ANKRD17: variants seen among roughly 807,000 people sequenced by gnomAD.
ANKRD17 encodes ankyrin repeat domain 17.
ANKRD17 carries 19 observed loss-of-function variants against 229.7 expected under a neutral mutation model. The observed-to-expected ratio is 0.08, with a 90% CI of 0.06 to 0.12. The LOEUF is 0.12. Among genes scored for constraint, ANKRD17 ranks in the 10% least tolerant of loss-of-function variants. The pLI, the probability that ANKRD17 is intolerant of heterozygous loss-of-function variation, is 1.00. For missense variants in ANKRD17, 2,176 were observed against 3,176.8 expected, an observed-to-expected ratio of 0.68 and a Z score of 7.57; for synonymous variants, 1,112 against 1,146.1, an observed-to-expected ratio of 0.97 and a Z score of 0.60.
chr4:73,208,906 A>G lies in ANKRD17; in HGVS notation c.394-31373T>C, dbSNP rs111716642. Among the ~76,000 whole-genome samples the G allele has an allele frequency of 1.9e-3, 287 of 152,252 alleles. 1 individual carries two copies. The highest frequency in any genetic ancestry group is 6.6e-3 in the African/African-American group (275 of 41,560). ...AGGGAAAAAATAAGAGCAGAAATCA[A>G]TTAAACAAAAAATGAACAAAATAGG... On this transcript the variant is annotated intron_variant, in intron 1 of 33. Transcript: ENST00000358602.
chr4:73,214,691 A>G (rs1740764620), intron 1 of ANKRD17, among the ~76,000 whole-genome samples: 1 of 151,960 alleles, frequency 6.6e-6, no homozygotes, highest in South Asian at 2.1e-4. Context: ...GAAGCAGTAG[A>G]AAATATCATT....
intron 16 of ANKRD17, among the ~76,000 whole-genome samples, chr4:73,133,702 T>C (rs1304252511): frequency 6.6e-6 from 1 of 151,192 alleles, no homozygotes; most frequent in South Asian, 2.1e-4. Flanking sequence ...CCATCTCGTA[T>C]TTTTTTTTAA....
At chr4:73,171,183 GA>G (rs1275080245) in intron 2 of ANKRD17, among the ~76,000 whole-genome samples, 19 of 55,976 alleles carry the variant, frequency 3.4e-4, no homozygotes, top group African/African-American at 1.3e-3. Flanking sequence ...AGGGGGGAGA[GA>G]GAGAGAGAGA....
At chr4:73,127,657 A>G (rs1727650053) in intron 16 of ANKRD17, among the ~76,000 whole-genome samples, 1 of 152,212 alleles carries the variant, frequency 6.6e-6, no homozygotes, top group Non-Finnish European at 1.5e-5. Flanking sequence ...TACTTAGGAA[A>G]TAATAAATGA....
chr4:73,207,894 T>TA (rs557653331), intron 1 of ANKRD17, among the ~76,000 whole-genome samples: 27 of 152,104 alleles, frequency 1.8e-4, no homozygotes, highest in African/African-American at 5.3e-4. Flanking sequence ...GTAAGGGTAT[T>TA]AAAAAAACTT....
rs565819686 is a variant in ANKRD17, at chr4:73,236,478, A to G, written c.393+21798T>C. On this transcript the variant is annotated intron_variant, in intron 1 of 33. Transcript: ENST00000358602. ...ATCCAGTCCTCTTGAGCTAAGGTTCATATTGTATGGTTCACACCTCAAATA... is the reference window on the plus strand; with the variant it reads ...ATCCAGTCCTCTTGAGCTAAGGTTCGTATTGTATGGTTCACACCTCAAATA... 3.9e-5 allele frequency among the ~76,000 whole-genome samples: 6 copies of G among 152,246 alleles called. No homozygotes were observed. The South Asian group carries it at 6.2e-4, about 16-fold the overall frequency.
rs1722026706 is a variant in ANKRD17 at position 73,085,520 on chromosome 4, A to G, written c.6962-74T>C. ...AATAGAGATACCTTAAAATTCTAAA[A>G]GGCCCTAAATATATTCAAAACTATT... On this transcript the variant is annotated intron_variant, in intron 29 of 33. Coordinates refer to ENST00000358602, the MANE Select transcript of ANKRD17 (RefSeq NM_032217.5). The G allele has an allele frequency of 7.7e-6, 10 of 1,306,322 alleles. No homozygotes were observed. In the South Asian group the frequency reaches 1.1e-4, roughly 14 times the overall value. The allele number at this position is 1,306,322 out of a possible 1,614,324, so 80.9% of individuals were successfully genotyped here. A position where few individuals can be genotyped will look rare whatever the true frequency, so the allele number is the denominator to read the frequency against.
intron 1 of ANKRD17, among the ~76,000 whole-genome samples, chr4:73,187,584 T>TAG (rs1468724050): frequency 1.3e-5 from 2 of 152,172 alleles, no homozygotes; most frequent in Non-Finnish European, 2.9e-5. Flanking sequence ...TGGAATCCTC[T>TAG]AGAGGGGACT....
intron 1 of ANKRD17, among the ~76,000 whole-genome samples, chr4:73,248,405 C>T (rs1043099910): frequency 1.3e-5 from 2 of 151,922 alleles, no homozygotes; most frequent in Non-Finnish European, 2.9e-5. Context: ...AGGATTTATA[C>T]GGGGCTAAAA....
chr4:73,080,615 C>A (rs886096914), intron 30 of ANKRD17: 5 of 152,074 alleles, frequency 3.3e-5, no homozygotes, highest in Admixed American at 6.5e-5. Context: ...GAAAAATCAA[C>A]CCAGAACAAC....
At chr4:73,095,602 C>CAA (rs74663586) in intron 27 of ANKRD17, among the ~76,000 whole-genome samples, 58 of 48,380 alleles carry the variant, frequency 1.2e-3, no homozygotes, top group African/African-American at 3.4e-3. Context: ...AACTCCATCT[C>CAA]AAAAAAAAAA....
Position 73,142,328 on chromosome 4 carries a change from A to G in ANKRD17, c.2143T>C (p.Tyr715His). 1.3e-6 allele frequency: 2 copies of G among 1,582,376 alleles called. 1 individual carries two copies. The highest frequency in any genetic ancestry group is 4.2e-5 in the Admixed American group (2 of 48,042). ...AKGGHTSVVC[Y>H]LLDYPNNLLS... ...AAGTTATTAGGATAATCCAAGAGATAGCAAACAACACTTGTATGGCCACCT... is the reference window on the plus strand; with the variant it reads ...AAGTTATTAGGATAATCCAAGAGATGGCAAACAACACTTGTATGGCCACCT... Residue 715 changes from tyrosine to histidine, a missense_variant, in exon 13 of 34, where the codon TAT (tyrosine) becomes CAT (histidine). This residue lies in a region of ANKRD17 where 275 missense variants were observed against 386.9 expected (regional missense o/e 0.71). Coordinates refer to ENST00000358602, the MANE Select transcript of ANKRD17 (RefSeq NM_032217.5).
At chr4:73,174,923 C>A (rs935059967) in intron 2 of ANKRD17, among the ~76,000 whole-genome samples, 3 of 152,016 alleles carry the variant, frequency 2.0e-5, no homozygotes, top group Non-Finnish European at 2.9e-5. Flanking sequence ...AAATTGAAGA[C>A]GACACAAGAA....
At chr4:73,203,954 G>A (rs1007141467) in intron 1 of ANKRD17, among the ~76,000 whole-genome samples, 8 of 152,000 alleles carry the variant, frequency 5.3e-5, no homozygotes, top group African/African-American at 1.2e-4. Flanking sequence ...CAGCCATGGG[G>A]GGGAAAAAAC....
chr4:73,191,971 A>C (rs779717821), intron 1 of ANKRD17, among the ~76,000 whole-genome samples: 1 of 152,116 alleles, frequency 6.6e-6, no homozygotes, highest in Admixed American at 6.5e-5. Flanking sequence ...TAACCCATAT[A>C]TCCATCAATA....
intron 27 of ANKRD17, among the ~76,000 whole-genome samples, chr4:73,095,494 C>T (rs1259874657): frequency 2.0e-5 from 3 of 150,336 alleles, no homozygotes; most frequent in African/African-American, 4.9e-5. Context: ...CCCAGCTACT[C>T]GGGAGGCAGA....
intron 2 of ANKRD17, among the ~76,000 whole-genome samples, chr4:73,177,179 C>A (rs1734844729): frequency 6.6e-6 from 1 of 152,208 alleles, no homozygotes; most frequent in East Asian, 1.9e-4. Context: ...AACTGTAGCA[C>A]ATGGACTTTA....
intron 1 of ANKRD17, among the ~76,000 whole-genome samples, chr4:73,253,038 GA>G (rs1435040270): frequency 1.3e-5 from 2 of 152,174 alleles, no homozygotes; most frequent in African/African-American, 4.8e-5. Context: ...GCATGTGAAT[GA>G]GTGAGAGAAT....
chr4:73,243,307 T>G (rs1744210280), intron 1 of ANKRD17, among the ~76,000 whole-genome samples: 1 of 152,128 alleles, frequency 6.6e-6, no homozygotes, highest in Non-Finnish European at 1.5e-5. Flanking sequence ...GAAGAATGAA[T>G]GAAGAATGGG....
Sources: allele counts gnomAD v4.1 joint callset (sites outside exome capture counted in the v4.1 genomes callset), GRCh38; gene constraint gnomAD v4.1.1; regional missense constraint gnomAD v4.1.1; transcripts MANE v1.5; gene names NCBI Gene and HGNC (gene_info 2026-07-23, HGNC 2026-07-21).